Variants in STPG1 observed in about 807,000 individuals in gnomAD.
STPG1 encodes the protein O(6)-methylguanine-induced apoptosis 2.
A neutral mutation model predicts 40.1 loss-of-function variants in STPG1; 33 were observed. The observed-to-expected ratio is 0.82, with a 90% CI of 0.62 to 1.10. STPG1 has a LOEUF of 1.10. STPG1 is among the 50% of genes least tolerant of loss of function. The pLI, the probability that STPG1 is intolerant of heterozygous loss-of-function variation, is 0.00. For missense variants in STPG1, 396 were observed against 415.1 expected (o/e 0.95, Z 0.40); for synonymous variants, 150 against 155.0 (o/e 0.97, Z 0.24).
Position 24,379,787 on chromosome 1 carries a change from C to A in STPG1, c.328G>T (p.Ala110Ser). The change falls in exon 5 of 9, where the codon GCA (alanine) becomes TCA (serine). Residue 110 changes from alanine (A) to serine (S), a missense_variant. By Grantham distance (99) the Ala-to-Ser change is moderately conservative. Transcript: ENST00000337248. Reference sequence around the variant, plus strand: ...GATGGGATAGTGTATGCATTCGCTGCAGGGTATTTAGAAATGATGGTGTCC... The same window carrying A: ...GATGGGATAGTGTATGCATTCGCTGAAGGGTATTTAGAAATGATGGTGTCC... ...RLDTIISKYP[A>S]ANAYTIPSDF... The A allele has an allele frequency of 6.2e-7, 1 of 1,614,072 alleles. No homozygotes were observed. Among genetic ancestry groups the A allele is most frequent in the Non-Finnish European group, 8.5e-7 (1 of 1,179,970 alleles).
chr1:24,382,491 C>T (rs924027864), intron 4 of STPG1, among the ~76,000 whole-genome samples: 19 of 152,176 alleles, frequency 1.2e-4, no homozygotes, highest in African/African-American at 4.1e-4. Context: ...CTTGAGGTCA[C>T]GTCAAGAATC....
chr1:24,400,084 A>G (rs994631345), intron 2 of STPG1, among the ~76,000 whole-genome samples: 1 of 152,238 alleles, frequency 6.6e-6, no homozygotes, highest in Non-Finnish European at 1.5e-5. Context: ...ATAGTTACAG[A>G]AGTTTTTATT....
intron 5 of STPG1, among the ~76,000 whole-genome samples, chr1:24,378,371 C>T (rs1642125774): frequency 1.3e-5 from 2 of 152,168 alleles, no homozygotes. Context: ...CACGGTGGCT[C>T]CCGCCTGTAA....
chr1:24,373,876 T>G, intron 5 of STPG1, 66 bp from the exon 6 acceptor site: 1 of 1,160,836 alleles, frequency 8.6e-7, no homozygotes, highest in Non-Finnish European at 1.3e-6. Flanking sequence ...TCATCATGCC[T>G]GGACAAGTGG....
At position 24,358,532 on chromosome 1, in the gene STPG1, G is replaced by A. The variant is rs371334407; in HGVS notation, c.*11C>T. The A allele has an allele frequency of 1.9e-5, 31 of 1,609,814 alleles. No individual in the cohort carries two copies. Among genetic ancestry groups the A allele is most frequent in the African/African-American group, 2.7e-5 (2 of 74,856 alleles). On this transcript the variant is annotated 3_prime_UTR_variant, in exon 9 of 9. Coordinates refer to ENST00000337248, the MANE Select transcript of STPG1 (RefSeq NM_001199013.2). ...GGTGGCTGGAGTTCTCCTTGACCTT[G>A]TGTGACATCCCTACAGAACCGGGAT... is the stretch of plus-strand genomic sequence containing the variant.
intron 5 of STPG1, among the ~76,000 whole-genome samples, chr1:24,374,836 G>A (rs1641947333): frequency 6.6e-6 from 1 of 151,034 alleles, no homozygotes; most frequent in South Asian, 2.1e-4. Context: ...ATGTTGCCTA[G>A]GCTGGTCTTG....
intron 5 of STPG1, among the ~76,000 whole-genome samples, chr1:24,379,032 G>C (rs1010037272): frequency 3.4e-4 from 52 of 152,186 alleles, no homozygotes; most frequent in African/African-American, 1.2e-3. Context: ...TTTAATATTT[G>C]CATTAACACG....
intron 2 of STPG1, among the ~76,000 whole-genome samples, chr1:24,393,821 G>A (rs1642879136): frequency 6.6e-6 from 1 of 152,226 alleles, no homozygotes; most frequent in African/African-American, 2.4e-5. Context: ...GGATCCCTGA[G>A]AGAAGCAAAG....
At chr1:24,375,246 G>C (rs1157331742) in intron 5 of STPG1, among the ~76,000 whole-genome samples, 1 of 152,134 alleles carries the variant, frequency 6.6e-6, no homozygotes, top group Non-Finnish European at 1.5e-5. Flanking sequence ...TATTTTAAAT[G>C]CCAATTTGCG....
chr1:24,384,005 T>C lies in STPG1; in HGVS notation c.190-2A>G, dbSNP rs190217249. On this transcript the variant is annotated splice_acceptor_variant, in intron 3 of 8. Coordinates refer to ENST00000337248, the MANE Select transcript of STPG1 (RefSeq NM_001199013.2). LOFTEE classifies it high-confidence loss of function. ...GAACCCAGGTCCTGGGATATCATTC[T>C]GAAAGGGAAGAGAAGGTGGTGTCAT... is the stretch of plus-strand genomic sequence containing the variant. 3.1e-6 allele frequency: 5 copies of C among 1,593,962 alleles called. No individual in the cohort carries two copies. In the African/African-American group the frequency reaches 6.7e-5, roughly 21 times the overall value.
chr1:24,361,099 G>C (rs1641083568), intron 7 of STPG1, 58 bp from the exon 8 acceptor site: 11 of 1,466,794 alleles, frequency 7.5e-6, no homozygotes, highest in Non-Finnish European at 1.0e-5. Flanking sequence ...GGAAGGCACA[G>C]TTTCTAGACA....
chr1:24,412,464 C>T (rs1305849248), intron 1 of STPG1, among the ~76,000 whole-genome samples: 1 of 151,960 alleles, frequency 6.6e-6, no homozygotes, highest in Non-Finnish European at 1.5e-5. Context: ...GCACTTTTCA[C>T]TACCCAACAT....
At chr1:24,406,043 G>A (rs1328667572) in intron 1 of STPG1, among the ~76,000 whole-genome samples, 4 of 152,044 alleles carry the variant, frequency 2.6e-5, no homozygotes, top group African/African-American at 9.7e-5. Context: ...CTTTTGATTG[G>A]AGTGTTTAGA....
intron 3 of STPG1, among the ~76,000 whole-genome samples, chr1:24,387,017 C>T (rs1642536660): frequency 6.6e-6 from 1 of 152,284 alleles, no homozygotes; most frequent in Non-Finnish European, 1.5e-5. Flanking sequence ...ATCACCATCA[C>T]CATCACCACG....
intron 6 of STPG1, among the ~76,000 whole-genome samples, chr1:24,372,046 C>T (rs952825694): frequency 1.8e-4 from 27 of 152,066 alleles, no homozygotes; most frequent in Admixed American, 1.1e-3. Flanking sequence ...GGCGTGGCGG[C>T]GCATGCCTGT....
At position 24,401,452 on chromosome 1, in the gene STPG1, A is replaced by G; in HGVS notation, c.-64T>C. On this transcript the variant is annotated 5_prime_UTR_variant, in exon 2 of 9. Transcript: ENST00000337248. ...AAAAGTTCTACTGCATGTTCTCCTA[A>G]GCACCTGAAACAGCAAAACACAGCA... 1 of 1,420,128 alleles carries G rather than the reference A, an allele frequency of 7.0e-7. No homozygotes were observed. The highest frequency in any genetic ancestry group is 9.9e-7 in the Non-Finnish European group (1 of 1,008,218). 88.0% of individuals were successfully genotyped at this position (1,420,128 alleles called of 1,614,324 possible). A position where few individuals can be genotyped will look rare whatever the true frequency, so the allele number is the denominator to read the frequency against.
intron 4 of STPG1, among the ~76,000 whole-genome samples, chr1:24,381,041 G>A (rs1335524436): frequency 1.3e-5 from 2 of 152,146 alleles, no homozygotes; most frequent in Non-Finnish European, 2.9e-5. Flanking sequence ...ACAACCCTGA[G>A]CAGTGGATCT....
intron 4 of STPG1, among the ~76,000 whole-genome samples, chr1:24,383,218 T>C (rs1355518204): frequency 2.6e-5 from 4 of 152,234 alleles, no homozygotes; most frequent in Non-Finnish European, 4.4e-5. Context: ...TGTCCACTTT[T>C]CACTTTTCTT....
chr1:24,364,544 C>A (rs961700398), intron 7 of STPG1: 2 of 1,144,264 alleles, frequency 1.7e-6, no homozygotes, highest in African/African-American at 3.2e-5. Context: ...GTGTCTTCCT[C>A]AGCTTTGAGG....
Sources: gnomAD v4.1 joint callset for allele counts (sites outside exome capture counted in the v4.1 genomes callset) on GRCh38, gnomAD v4.1.1 for gene constraint, MANE v1.5 for transcripts, NCBI Gene and HGNC (gene_info 2026-07-23, HGNC 2026-07-21) for gene names.